Variants in PSD3 observed in about 807,000 individuals in gnomAD.
PSD3 encodes the protein pleckstrin and Sec7 domain containing 3, also known as PH and SEC7 domain-containing protein 3.
In PSD3, 49 loss-of-function variants were observed where a neutral mutation model predicts 105.5. The observed-to-expected ratio is 0.46, with a 90% CI of 0.37 to 0.59. PSD3 has a LOEUF of 0.59. Among genes scored for constraint, PSD3 ranks in the 20% least tolerant of loss-of-function variants. PSD3 has a pLI of 0.00. For missense variants in PSD3, 1,561 were observed against 1,263.8 expected (o/e 1.24, Z -3.57); for synonymous variants, 557 against 457.8 (o/e 1.22, Z -2.77).
rs1799632711 is a variant in PSD3, at chr8:18,531,549, GA to G, written c.*4193del. On this transcript the variant is annotated 3_prime_UTR_variant, in exon 16 of 16. Transcript: ENST00000327040. Reference sequence around the variant, plus strand: ...CATGTAAGATGCTATAAGACTGGTGGAAAGAAATTTGCTGACATGTGGCAGA... The same window carrying G: ...CATGTAAGATGCTATAAGACTGGTGGAAGAAATTTGCTGACATGTGGCAGA... The G allele has an allele frequency of 6.6e-6, 1 of 152,294 alleles. No homozygotes were observed. Among genetic ancestry groups the G allele is most frequent in the African/African-American group, 2.4e-5 (1 of 41,470 alleles). The allele number at this position is 152,294 out of a possible 1,614,324, so 9.4% of individuals were successfully genotyped here.
chr8:18,901,194 GT>G (rs1300708854), intron 2 of PSD3, among the ~76,000 whole-genome samples: 1 of 151,966 alleles, frequency 6.6e-6, no homozygotes, highest in Non-Finnish European at 1.5e-5. Flanking sequence ...AGTCTACATG[GT>G]TTGTCTGCAA....
chr8:18,986,847 T>C (rs983087980), intron 1 of PSD3, among the ~76,000 whole-genome samples: 3 of 152,122 alleles, frequency 2.0e-5, no homozygotes, highest in Admixed American at 6.5e-5. Flanking sequence ...CCACGCCTAA[T>C]CCATGAGGAC....
intron 1 of PSD3, among the ~76,000 whole-genome samples, chr8:18,959,837 G>A (rs1334859635): frequency 2.0e-5 from 3 of 152,162 alleles, no homozygotes; most frequent in Non-Finnish European, 4.4e-5. Flanking sequence ...GAACAGAGAG[G>A]CCCTGCAGTG....
At chr8:18,620,124 C>T (rs984364699) in intron 11 of PSD3, among the ~76,000 whole-genome samples, 3 of 152,198 alleles carry the variant, frequency 2.0e-5, no homozygotes, top group African/African-American at 7.2e-5. Context: ...CCTCAGACAA[C>T]AGCTTAACTC....
chr8:18,629,432 A>G (rs1806737236), intron 11 of PSD3, among the ~76,000 whole-genome samples: 2 of 152,070 alleles, frequency 1.3e-5, no homozygotes, highest in South Asian at 4.1e-4. Context: ...TATTTATAAC[A>G]GTTCAAAACT....
At chr8:18,827,596 T>C (rs1022667953) in intron 4 of PSD3, among the ~76,000 whole-genome samples, 5 of 152,186 alleles carry the variant, frequency 3.3e-5, no homozygotes, top group Non-Finnish European at 5.9e-5. Flanking sequence ...CTTAAAGCAG[T>C]ATCTGGCAAG....
intron 9 of PSD3, among the ~76,000 whole-genome samples, chr8:18,723,632 C>T (rs1309730511): frequency 1.3e-5 from 2 of 152,170 alleles, no homozygotes; most frequent in Admixed American, 6.6e-5. Context: ...TCTCCCGAGG[C>T]CTTCCATACA....
intron 10 of PSD3, among the ~76,000 whole-genome samples, chr8:18,634,753 A>G (rs1294535427): frequency 6.6e-6 from 1 of 152,120 alleles, no homozygotes; most frequent in Non-Finnish European, 1.5e-5. Flanking sequence ...AAGATTCCAT[A>G]TAGGTGATGC....
intron 4 of PSD3, among the ~76,000 whole-genome samples, chr8:18,840,934 T>C (rs775499620): frequency 3.9e-5 from 6 of 152,202 alleles, no homozygotes; most frequent in Non-Finnish European, 7.3e-5. Flanking sequence ...TCTGGGTGTG[T>C]GTGTGTCTCG....
chr8:18,611,231 T>C (rs984935465), intron 11 of PSD3, among the ~76,000 whole-genome samples: 17 of 147,868 alleles, frequency 1.1e-4, no homozygotes, highest in African/African-American at 4.3e-4. Flanking sequence ...AATGAGGGTG[T>C]AATTTAATGT....
intron 9 of PSD3, among the ~76,000 whole-genome samples, chr8:18,730,638 T>C (rs1307737719): frequency 6.6e-6 from 1 of 152,216 alleles, no homozygotes; most frequent in Non-Finnish European, 1.5e-5. Flanking sequence ...TACTGTACGC[T>C]ATACACTGTT....
chr8:18,913,391 A>C (rs986531171), intron 2 of PSD3, among the ~76,000 whole-genome samples: 3 of 151,696 alleles, frequency 2.0e-5, no homozygotes, highest in Non-Finnish European at 4.4e-5. Context: ...GTCATTTTCC[A>C]CATGATTCCT....
intron 10 of PSD3, among the ~76,000 whole-genome samples, chr8:18,648,044 A>C (rs1808182937): frequency 6.6e-6 from 1 of 152,246 alleles, no homozygotes; most frequent in South Asian, 2.1e-4. Flanking sequence ...CTTTTTATAT[A>C]AATTACCCAG....
At chr8:18,691,606 C>G (rs1800977150) in intron 9 of PSD3, among the ~76,000 whole-genome samples, 1 of 152,232 alleles carries the variant, frequency 6.6e-6, no homozygotes, top group Non-Finnish European at 1.5e-5. Flanking sequence ...GCCTCCAAAG[C>G]TGTTCATCCA....
intron 2 of PSD3, among the ~76,000 whole-genome samples, chr8:18,906,652 A>G (rs1819869687): frequency 1.3e-5 from 2 of 152,192 alleles, no homozygotes; most frequent in Admixed American, 1.3e-4. Flanking sequence ...TCATATCCTA[A>G]AACAATAAAT....
At chr8:19,036,974 C>T (rs1827963101) in intron 1 of PSD3, among the ~76,000 whole-genome samples, 1 of 152,176 alleles carries the variant, frequency 6.6e-6, no homozygotes. Context: ...TCAGCCGTGT[C>T]TTATTGTCTT....
At chr8:18,954,072 C>T (rs925034964) in intron 1 of PSD3, among the ~76,000 whole-genome samples, 14 of 152,062 alleles carry the variant, frequency 9.2e-5, no homozygotes, top group African/African-American at 3.4e-4. Flanking sequence ...TTGGTACAGG[C>T]CATTTAATGT....
intron 14 of PSD3, among the ~76,000 whole-genome samples, chr8:18,562,253 G>C (rs1393109190): frequency 1.3e-5 from 2 of 152,164 alleles, no homozygotes; most frequent in Admixed American, 1.3e-4. Context: ...GATGTTCTAA[G>C]GTGGAAGAGA....
At chr8:19,035,982 T>G (rs1000074865) in intron 1 of PSD3, among the ~76,000 whole-genome samples, 16 of 152,022 alleles carry the variant, frequency 1.1e-4, no homozygotes, top group South Asian at 8.3e-4. Context: ...CTTGAACTCC[T>G]GGACTCAAGT....
Sources: gnomAD v4.1 joint callset for allele counts (sites outside exome capture counted in the v4.1 genomes callset) on GRCh38, gnomAD v4.1.1 for gene constraint, MANE v1.5 for transcripts, NCBI Gene and HGNC (gene_info 2026-07-23, HGNC 2026-07-21) for gene names.